Variants in SDK1 observed in about 807,000 individuals in gnomAD.
SDK1 encodes protein sidekick-1.
A neutral mutation model predicts 245.5 loss-of-function variants in SDK1; 157 were observed. The observed-to-expected ratio is 0.64, with a 90% CI of 0.56 to 0.73. The LOEUF (loss-of-function observed/expected upper bound fraction) is 0.73, where lower values mean the gene tolerates loss of function less well. Among genes scored for constraint, SDK1 ranks in the 30% least tolerant of loss-of-function variants. The pLI is 0.00. For missense variants in SDK1, 3,583 were observed against 3,002.3 expected (o/e 1.19, Z -4.52); for synonymous variants, 1,647 against 1,278.5 (o/e 1.29, Z -6.15).
chr7:4,194,085 C>A (rs1234256699), intron 35 of SDK1, among the ~76,000 whole-genome samples: 1 of 152,122 alleles, frequency 6.6e-6, no homozygotes, highest in African/African-American at 2.4e-5. Context: ...CCGGAAACCG[C>A]AAAACCAACA....
At chr7:3,886,184 C>G (rs1489682993) in intron 5 of SDK1, among the ~76,000 whole-genome samples, 8 of 152,180 alleles carry the variant, frequency 5.3e-5, no homozygotes, top group African/African-American at 1.7e-4. Context: ...TCTGGGCCTT[C>G]TACAGCAACT....
intron 1 of SDK1, among the ~76,000 whole-genome samples, chr7:3,363,215 A>C (rs1355170531): frequency 6.6e-6 from 1 of 152,226 alleles, no homozygotes; most frequent in African/African-American, 2.4e-5. Flanking sequence ...ATGTTATATA[A>C]ATAGAATTAT....
chr7:3,460,749 C>G (rs184024264), intron 1 of SDK1, among the ~76,000 whole-genome samples: 21 of 152,206 alleles, frequency 1.4e-4, no homozygotes, highest in Non-Finnish European at 2.8e-4. Context: ...TATTTTGGGG[C>G]TAAAAACAGC....
At chr7:3,697,290 T>G (rs1784602500) in intron 4 of SDK1, among the ~76,000 whole-genome samples, 1 of 152,220 alleles carries the variant, frequency 6.6e-6, no homozygotes, top group African/African-American at 2.4e-5. Context: ...TAGTGCTAAT[T>G]ACTCATCCCT....
intron 5 of SDK1, among the ~76,000 whole-genome samples, chr7:3,887,912 G>C (rs550961479): frequency 1.3e-5 from 2 of 152,252 alleles, no homozygotes; most frequent in South Asian, 2.1e-4. Context: ...TGGGTTTTCT[G>C]CAAATTTTTA....
intron 4 of SDK1, among the ~76,000 whole-genome samples, chr7:3,678,254 A>G (rs1470163497): frequency 6.6e-6 from 1 of 152,202 alleles, no homozygotes; most frequent in East Asian, 1.9e-4. Flanking sequence ...AATTAACAGC[A>G]ATTTCACATC....
chr7:3,448,695 T>A (rs1366877701), intron 1 of SDK1, among the ~76,000 whole-genome samples: 1 of 152,194 alleles, frequency 6.6e-6, no homozygotes, highest in Non-Finnish European at 1.5e-5. Flanking sequence ...ATTATGCTAA[T>A]GCCATTTAGT....
chr7:3,514,794 AT>A (rs1476485852), intron 1 of SDK1, among the ~76,000 whole-genome samples: 1 of 152,176 alleles, frequency 6.6e-6, no homozygotes, highest in Non-Finnish European at 1.5e-5. Flanking sequence ...GAAAATCAGG[AT>A]TTGTATTACT....
intron 1 of SDK1, among the ~76,000 whole-genome samples, chr7:3,563,421 A>T (rs1314879793): frequency 1.3e-5 from 2 of 152,222 alleles, no homozygotes; most frequent in African/African-American, 4.8e-5. Context: ...GAGTACACAA[A>T]TATGAACCAA....
chr7:3,506,827 A>G (rs541760500), intron 1 of SDK1, among the ~76,000 whole-genome samples: 1 of 149,946 alleles, frequency 6.7e-6, no homozygotes, highest in African/African-American at 2.4e-5. Flanking sequence ...AATACATTAC[A>G]TGTCTTGTTT....
chr7:3,540,829 A>G (rs1281444050), intron 1 of SDK1, among the ~76,000 whole-genome samples: 1 of 152,236 alleles, frequency 6.6e-6, no homozygotes, highest in Non-Finnish European at 1.5e-5. Flanking sequence ...AAAGGACTTT[A>G]AAGGAGTATT....
At chr7:3,739,318 A>G (rs1779410931) in intron 4 of SDK1, among the ~76,000 whole-genome samples, 1 of 152,194 alleles carries the variant, frequency 6.6e-6, no homozygotes. Flanking sequence ...TTACATATAC[A>G]GACCATTGTT....
At chr7:3,570,346 A>G (rs771494106) in intron 1 of SDK1, among the ~76,000 whole-genome samples, 1 of 152,062 alleles carries the variant, frequency 6.6e-6, no homozygotes, top group African/African-American at 2.4e-5. Context: ...TTATGCCCCT[A>G]TGAAAATCAA....
At chr7:4,069,987 A>C (rs555153214) in intron 20 of SDK1, among the ~76,000 whole-genome samples, 1 of 152,160 alleles carries the variant, frequency 6.6e-6, no homozygotes, top group Non-Finnish European at 1.5e-5. Context: ...ACAGCATGGG[A>C]TGCTCACTTT....
At chr7:3,661,955 C>A (rs368052014) in intron 4 of SDK1, among the ~76,000 whole-genome samples, 8 of 151,880 alleles carry the variant, frequency 5.3e-5, no homozygotes, top group African/African-American at 1.9e-4. Flanking sequence ...GTAGTAAGAC[C>A]GTTATTACCA....
intron 35 of SDK1, among the ~76,000 whole-genome samples, chr7:4,200,642 C>T (rs780997320): frequency 5.3e-5 from 8 of 152,216 alleles, no homozygotes; most frequent in Non-Finnish European, 7.3e-5. Context: ...CATGGGGCCT[C>T]TCACAACATG....
intron 20 of SDK1, among the ~76,000 whole-genome samples, chr7:4,074,348 G>A (rs1414107556): frequency 6.6e-6 from 1 of 152,122 alleles, no homozygotes; most frequent in African/African-American, 2.4e-5. Context: ...TCTTGGAAAC[G>A]GACCATGTAT....
intron 25 of SDK1, among the ~76,000 whole-genome samples, chr7:4,127,166 T>C (rs1784441564): frequency 6.6e-6 from 1 of 152,192 alleles, no homozygotes; most frequent in Admixed American, 6.5e-5. Flanking sequence ...CAGGTAAAAT[T>C]GAGCTGCTAA....
intron 35 of SDK1, among the ~76,000 whole-genome samples, chr7:4,182,246 C>T (rs1345382089): frequency 6.6e-6 from 1 of 152,118 alleles, no homozygotes; most frequent in African/African-American, 2.4e-5. Flanking sequence ...CTCTCTGTCC[C>T]CCTCCCTCTA....
Sources: gnomAD v4.1 joint callset for allele counts (sites outside exome capture counted in the v4.1 genomes callset) on GRCh38, gnomAD v4.1.1 for gene constraint, MANE v1.5 for transcripts, NCBI Gene and HGNC (gene_info 2026-07-23, HGNC 2026-07-21) for gene names.